The following NCAPD3 variants were observed in gnomAD, a reference collection of about 807,000 sequenced individuals.
The protein encoded by NCAPD3 is non-SMC condensin II complex subunit D3, also known as condensin-2 complex subunit D3.
Under a neutral mutation model 182.9 loss-of-function variants are expected in NCAPD3, and 105 were observed. That is an observed-to-expected ratio of 0.57 (90% CI 0.49 to 0.68). The LOEUF is 0.68. Among genes scored for constraint, NCAPD3 ranks in the 30% least tolerant of loss-of-function variants. The pLI, the probability that NCAPD3 is intolerant of heterozygous loss-of-function variation, is 0.00. For synonymous variants in NCAPD3, 815 were observed against 679.9 expected, an observed-to-expected ratio of 1.20 and a Z score of -3.09; for missense variants, 1,944 against 1,837.0, an observed-to-expected ratio of 1.06 and a Z score of -1.07.
At chr11:134,165,450 G>A (rs1254472134) in intron 27 of NCAPD3, among the ~76,000 whole-genome samples, 1 of 150,176 alleles carries the variant, frequency 6.7e-6, no homozygotes, top group East Asian at 2.0e-4. Flanking sequence ...GAGCTTAGGG[G>A]AGTGGCACAC....
intron 11 of NCAPD3, 105 bp downstream of exon 11, chr11:134,203,549 C>A: frequency 7.1e-7 from 1 of 1,398,994 alleles, no homozygotes; most frequent in South Asian, 1.4e-5. Flanking sequence ...AAAAATAGAT[C>A]ATGCCATACC....
intron 27 of NCAPD3, among the ~76,000 whole-genome samples, chr11:134,165,346 T>A (rs1177665911): frequency 1.3e-5 from 2 of 149,120 alleles, no homozygotes; most frequent in Non-Finnish European, 3.0e-5. Context: ...AGGGGCACAC[T>A]CATGAGCTTG....
At chr11:134,194,631 C>T (rs1944588500) in intron 14 of NCAPD3, 34 bp downstream of exon 14, 5 of 1,474,196 alleles carry the variant, frequency 3.4e-6, no homozygotes, top group Non-Finnish European at 1.9e-6. Context: ...GTTTTTAGTG[C>T]TTAAAAAAAA....
Position 134,168,892 on chromosome 11 carries a change from G to A in NCAPD3, c.3239+25C>T, listed in dbSNP as rs766416936. The A allele has an allele frequency of 6.9e-6, 11 of 1,605,074 alleles. No homozygotes were observed. The East Asian group carries it at 2.0e-4, about 29-fold the overall frequency. ...CCCAGCTCTTACCCAGATACAAGGA[G>A]ACCAGACTTAGCTGCTTCACTGACC... On this transcript the variant is annotated intron_variant, in intron 25 of 34. Transcript: ENST00000534548.
At chr11:134,162,202 C>T (rs879699169) in intron 27 of NCAPD3, among the ~76,000 whole-genome samples, 1 of 152,186 alleles carries the variant, frequency 6.6e-6, no homozygotes, top group Non-Finnish European at 1.5e-5. Context: ...ACAGAAGACC[C>T]TGAGGGACCT....
upstream of NCAPD3, chr11:134,224,345 C>T: frequency 7.2e-6 from 2 of 279,376 alleles, no homozygotes; most frequent in Non-Finnish European, 1.4e-5. Context: ...TTCCCGTCAG[C>T]ACTCGAACAG....
chr11:134,183,125 T>C (rs1307063179), intron 19 of NCAPD3: 2 of 456,200 alleles, frequency 4.4e-6, no homozygotes, highest in African/African-American at 4.0e-5. Flanking sequence ...GACTGCGCGC[T>C]GTACACATGA....
intron 2 of NCAPD3, among the ~76,000 whole-genome samples, chr11:134,219,385 T>G (rs1938144170): frequency 6.6e-6 from 1 of 152,178 alleles, no homozygotes; most frequent in South Asian, 2.1e-4. Context: ...CCCCTGCAAC[T>G]GCATGTGGCT....
chr11:134,213,903 C>T (rs1937928916), intron 3 of NCAPD3, among the ~76,000 whole-genome samples: 1 of 151,952 alleles, frequency 6.6e-6, no homozygotes, highest in South Asian at 2.1e-4. Context: ...CATCTGTATC[C>T]GTCAGACTTT....
At chr11:134,185,128 T>C (rs994350090) in intron 17 of NCAPD3, 128 bp from the exon 18 acceptor site, 9 of 900,258 alleles carry the variant, frequency 1.0e-5, no homozygotes, top group Admixed American at 4.2e-5. Context: ...AGTCAAGCTG[T>C]GGGAACATCA....
intron 16 of NCAPD3, among the ~76,000 whole-genome samples, chr11:134,186,368 C>T (rs1487355150): frequency 6.6e-6 from 1 of 151,368 alleles, no homozygotes; most frequent in Non-Finnish European, 1.5e-5. Flanking sequence ...TGGCTAATTT[C>T]TCTCTCTCTC....
intron 8 of NCAPD3, 53 bp from the exon 9 acceptor site, chr11:134,205,024 C>T (rs968961507): frequency 7.6e-7 from 1 of 1,314,244 alleles, no homozygotes; most frequent in Non-Finnish European, 1.1e-6. Context: ...GCGACTGTCC[C>T]CAAAAACCAC....
At chr11:134,198,739 G>A (rs1051532608) in intron 13 of NCAPD3, among the ~76,000 whole-genome samples, 1 of 152,130 alleles carries the variant, frequency 6.6e-6, no homozygotes, top group Non-Finnish European at 1.5e-5. Flanking sequence ...ATTAGAGCTC[G>A]TAATGAGTTT....
intron 14 of NCAPD3, among the ~76,000 whole-genome samples, chr11:134,194,358 T>A (rs1372152706): frequency 6.6e-6 from 1 of 152,114 alleles, no homozygotes; most frequent in African/African-American, 2.4e-5. Flanking sequence ...TATAAACAAA[T>A]ATTTACAAAC....
At chr11:134,212,375 T>TTGTGTG (rs56807520) in intron 3 of NCAPD3, among the ~76,000 whole-genome samples, 15,655 of 143,116 alleles carry the variant, frequency 0.11, 874 homozygotes, top group African/African-American at 0.13. Flanking sequence ...TTTTGTTGTT[T>TTGTGTG]TGTGTGTGTG....
rs568076512 is a variant in NCAPD3 at position 134,186,071 on chromosome 11, C to T, written c.2046-545G>A. Reference sequence around the variant, plus strand: ...TACATGGCAGGATTGTAAATGACAACCTAACAATTAAATATGATGATATTA... The same window carrying T: ...TACATGGCAGGATTGTAAATGACAATCTAACAATTAAATATGATGATATTA... On this transcript the variant is annotated intron_variant, in intron 16 of 34. Transcript: ENST00000534548. 2.0e-5 allele frequency: 3 copies of T among 152,076 alleles called. No homozygotes were observed. The East Asian group carries it at 5.8e-4, about 29-fold the overall frequency. 9.4% of individuals were successfully genotyped at this position (152,076 alleles called of 1,614,324 possible).
At chr11:134,156,965 A>T (rs1164341119) in intron 32 of NCAPD3, 53 bp downstream of exon 32, 5 of 1,464,796 alleles carry the variant, frequency 3.4e-6, no homozygotes, top group Non-Finnish European at 4.8e-6. Flanking sequence ...CAAACACATC[A>T]CGAATGCAGG....
chr11:134,203,329 A>T, intron 11 of NCAPD3, 131 bp from the exon 12 acceptor site: 1 of 742,486 alleles, frequency 1.3e-6, no homozygotes, highest in Non-Finnish European at 2.3e-6. Flanking sequence ...CTGACAACTG[A>T]TAACGTTCTC....
rs75634068 is a variant in NCAPD3 at position 134,223,363 on chromosome 11, A to G, written c.64+500T>C. ...CAGTGGTAGTGGGCATGAAAGGGGA[A>G]GCAGAAATGCCATGACTCCTGGGTT... On this transcript the variant is annotated intron_variant, in intron 1 of 34. Coordinates refer to ENST00000534548, the MANE Select transcript of NCAPD3 (RefSeq NM_015261.3). 50 of 694,650 alleles carry G rather than the reference A, an allele frequency of 7.2e-5. No homozygotes were observed. The African/African-American group carries it at 7.5e-4, about 10-fold the overall frequency. The allele number at this position is 694,650 out of a possible 1,614,324, so 43.0% of individuals were successfully genotyped here.
Sources: gnomAD v4.1 joint callset for allele counts (sites outside exome capture counted in the v4.1 genomes callset) on GRCh38, gnomAD v4.1.1 for gene constraint, MANE v1.5 for transcripts, NCBI Gene and HGNC (gene_info 2026-07-23, HGNC 2026-07-21) for gene names.